RBFOX1: variants seen among roughly 807,000 people sequenced by gnomAD.
RBFOX1 encodes RNA binding fox-1 homolog 1.
In RBFOX1, 8 loss-of-function variants were observed where a neutral mutation model predicts 57.7. The ratio of observed to expected loss-of-function variants is 0.14; its 90% CI spans 0.08 to 0.25. The LOEUF is 0.25. Ranked by LOEUF, RBFOX1 falls within the 10% of genes least tolerant of loss-of-function variation. The pLI is 1.00. For synonymous variants in RBFOX1, 326 were observed against 222.4 expected, an observed-to-expected ratio of 1.47 and a Z score of -4.15; for missense variants, 611 against 548.5, an observed-to-expected ratio of 1.11 and a Z score of -1.14.
chr16:6,015,662 C>G (rs1294429788), upstream of RBFOX1, among the ~76,000 whole-genome samples: 1 of 152,178 alleles, frequency 6.6e-6, no homozygotes, highest in Non-Finnish European at 1.5e-5. Context: ...GCTTCAGGCA[C>G]TTTCATAAGC....
intron 3 of RBFOX1, among the ~76,000 whole-genome samples, chr16:5,646,071 C>T (rs1304816981): frequency 6.6e-6 from 1 of 151,750 alleles, no homozygotes; most frequent in Non-Finnish European, 1.5e-5. Context: ...GCTGTGTTGC[C>T]CAGGTTGGAG....
At chr16:6,523,518 C>A (rs1429951214) in intron 2 of RBFOX1, among the ~76,000 whole-genome samples, 1 of 152,142 alleles carries the variant, frequency 6.6e-6, no homozygotes, top group Non-Finnish European at 1.5e-5. Flanking sequence ...ATCACTATCA[C>A]CCTATGCTAA....
chr16:6,999,929 A>C (rs919211723), intron 3 of RBFOX1, among the ~76,000 whole-genome samples: 1 of 152,010 alleles, frequency 6.6e-6, no homozygotes, highest in African/African-American at 2.4e-5. Context: ...GAAGTTAACC[A>C]GGTGTGGTGG....
chr16:6,780,212 T>G (rs1262864379), intron 3 of RBFOX1, among the ~76,000 whole-genome samples: 1 of 16,614 alleles, frequency 6.0e-5, no homozygotes, highest in African/African-American at 2.3e-4. Flanking sequence ...TATATATTTA[T>G]ATATATTTAT....
chr16:5,951,169 C>T (rs533724446), intron 4 of RBFOX1, among the ~76,000 whole-genome samples: 82 of 152,112 alleles, frequency 5.4e-4, no homozygotes, highest in Admixed American at 1.4e-3. Flanking sequence ...TATATTTGGC[C>T]GGGCACAGTG....
chr16:6,349,647 A>G (rs1050188235), intron 2 of RBFOX1, among the ~76,000 whole-genome samples: 1 of 152,158 alleles, frequency 6.6e-6, no homozygotes. Flanking sequence ...CCTATTGAGA[A>G]CACATCTTCA....
intron 10 of RBFOX1, among the ~76,000 whole-genome samples, chr16:7,609,717 G>T (rs188326448): frequency 3.3e-5 from 5 of 152,318 alleles, no homozygotes; most frequent in Admixed American, 2.6e-4. Flanking sequence ...TGAGATTTCA[G>T]CTGGTCAGGA....
chr16:5,318,391 A>T (rs1180019755), intron 1 of RBFOX1, among the ~76,000 whole-genome samples: 2 of 152,114 alleles, frequency 1.3e-5, no homozygotes, highest in African/African-American at 4.8e-5. Flanking sequence ...GGCCTCCCAA[A>T]GGGCTGGGAT....
chr16:7,184,399 A>T (rs1438617322), intron 4 of RBFOX1, among the ~76,000 whole-genome samples: 2 of 152,198 alleles, frequency 1.3e-5, no homozygotes, highest in East Asian at 3.9e-4. Flanking sequence ...AGTCTAGGGG[A>T]TACATGATGG....
intron 2 of RBFOX1, among the ~76,000 whole-genome samples, chr16:6,452,458 C>T (rs1230421303): frequency 6.6e-6 from 1 of 152,200 alleles, no homozygotes; most frequent in East Asian, 1.9e-4. Context: ...CCCCTTCCTT[C>T]CATGGCTCCA....
intron 2 of RBFOX1, among the ~76,000 whole-genome samples, chr16:5,570,645 G>C (rs1354722182): frequency 6.6e-6 from 1 of 152,076 alleles, no homozygotes; most frequent in Non-Finnish European, 1.5e-5. Flanking sequence ...TTTGAGACCA[G>C]CCTTGCCAAC....
At chr16:7,682,404 G>A (rs944583156) in intron 14 of RBFOX1, among the ~76,000 whole-genome samples, 24 of 152,092 alleles carry the variant, frequency 1.6e-4, no homozygotes, top group African/African-American at 5.6e-4. Context: ...CATCTTCCCA[G>A]CTGGGATACA....
intron 3 of RBFOX1, among the ~76,000 whole-genome samples, chr16:6,942,863 G>T (rs1194303062): frequency 6.6e-6 from 1 of 152,188 alleles, no homozygotes; most frequent in African/African-American, 2.4e-5. Context: ...CTTCTACATG[G>T]GTGTAGTGTG....
intron 3 of RBFOX1, among the ~76,000 whole-genome samples, chr16:6,884,011 G>C (rs982855838): frequency 9.2e-5 from 14 of 152,274 alleles, no homozygotes; most frequent in African/African-American, 2.4e-5. Context: ...CACACAAGGA[G>C]GGGGTGTTTT....
chr16:7,094,817 G>C (rs938911717), intron 4 of RBFOX1, among the ~76,000 whole-genome samples: 1 of 150,600 alleles, frequency 6.6e-6, no homozygotes, highest in Non-Finnish European at 1.5e-5. Context: ...TTGAGACAGA[G>C]GGTAAGAGAA....
chr16:6,831,396 C>T (rs1263418814), intron 3 of RBFOX1, among the ~76,000 whole-genome samples: 2 of 152,038 alleles, frequency 1.3e-5, no homozygotes, highest in Non-Finnish European at 2.9e-5. Flanking sequence ...AGTTGTGTTA[C>T]CTATGCAAAA....
intron 3 of RBFOX1, among the ~76,000 whole-genome samples, chr16:5,814,449 T>C (rs2055548233): frequency 2.0e-5 from 3 of 152,168 alleles, no homozygotes. Flanking sequence ...TAACAATAAA[T>C]ATAGGCTCTG....
intron 4 of RBFOX1, among the ~76,000 whole-genome samples, chr16:7,185,104 A>G (rs547976934): frequency 3.9e-5 from 6 of 152,288 alleles, no homozygotes; most frequent in African/African-American, 1.4e-4. Context: ...TATTTAAACC[A>G]CCTAACAGTG....
chr16:6,857,500 A>G (rs1038566460), intron 3 of RBFOX1, among the ~76,000 whole-genome samples: 1 of 152,232 alleles, frequency 6.6e-6, no homozygotes, highest in African/African-American at 2.4e-5. Context: ...GGGCATAACC[A>G]GCACAGTTAA....
Sources: allele counts gnomAD v4.1 joint callset (sites outside exome capture counted in the v4.1 genomes callset), GRCh38; gene constraint gnomAD v4.1.1; transcripts MANE v1.5; gene names NCBI Gene and HGNC (gene_info 2026-07-23, HGNC 2026-07-21).